The following MSH6 variants were observed in gnomAD, a reference collection of about 807,000 sequenced individuals.
MSH6 encodes the protein mutS homolog 6.
MSH6 carries 85 observed loss-of-function variants against 119.1 expected under a neutral mutation model. That is an observed-to-expected ratio of 0.71 (90% CI 0.60 to 0.85). The LOEUF (loss-of-function observed/expected upper bound fraction) is 0.85, where lower values mean the gene tolerates loss of function less well. Ranked by LOEUF, MSH6 falls within the 40% of genes least tolerant of loss-of-function variation. The probability of loss-of-function intolerance (pLI) is 0.00; values close to 1 mark genes in which losing one functional copy is unlikely to be tolerated. For missense variants in MSH6, 2,163 were observed against 1,655.3 expected (o/e 1.31, Z -5.32); for synonymous variants, 830 against 586.9 (o/e 1.41, Z -5.99).
intron 2 of MSH6, among the ~76,000 whole-genome samples, chr2:47,791,840 G>A (rs1198881811): frequency 1.3e-5 from 2 of 150,780 alleles, no homozygotes; most frequent in African/African-American, 4.9e-5. Flanking sequence ...ACGTTGCCTG[G>A]CTATATATAT....
At chr2:47,803,308 T>C (rs762508772) in intron 4 of MSH6, 112 bp from the exon 5 acceptor site, 28 of 1,410,342 alleles carry the variant, frequency 2.0e-5, no homozygotes, top group Non-Finnish European at 2.8e-5. Flanking sequence ...TGGACTGTAA[T>C]TGAAAGTTAT....
At chr2:47,790,133 T>G (rs1668638374) in intron 1 of MSH6, among the ~76,000 whole-genome samples, 1 of 152,218 alleles carries the variant, frequency 6.6e-6, no homozygotes, top group Non-Finnish European at 1.5e-5. Flanking sequence ...TTAAAAATAC[T>G]TTATTTGGCC....
chr2:47,798,526 G>T (rs2104284398), intron 3 of MSH6, 85 bp from the exon 4 acceptor site: 1 of 1,465,684 alleles, frequency 6.8e-7, no homozygotes. Context: ...CCATTATAAA[G>T]TCAAAAAATC....
At chr2:47,784,947 C>T (rs3136240) in intron 1 of MSH6, 19,223 of 152,024 alleles carry the variant, frequency 0.13, 1,537 homozygotes, top group Non-Finnish European at 0.18. Context: ...GCCTCAGCCT[C>T]CCAAGTAGCT....
chr2:47,798,944 T>G lies in MSH6; in HGVS notation c.961T>G (p.Ser321Ala). The G allele has an allele frequency of 6.2e-7, 1 of 1,614,192 alleles. No homozygotes were observed. Residue 321 changes from serine (S) to alanine (A), a missense_variant, in exon 4 of 10, where the codon TCA becomes GCA. Transcript: ENST00000234420. ...KRKSSRKETPSATKQATSISS... is the reference protein window; with the variant it reads ...KRKSSRKETPAATKQATSISS... ...GAAAAGCTCTAGGAAGGAAACGCCC[T>G]CAGCCACCAAACAAGCAACTAGCAT...
chr2:47,794,415 G>T (rs777605264), intron 2 of MSH6, among the ~76,000 whole-genome samples: 2 of 151,768 alleles, frequency 1.3e-5, no homozygotes, highest in African/African-American at 2.4e-5. Flanking sequence ...GAGACTACAG[G>T]TGTGCACCAC....
At chr2:47,789,521 A>G (rs1376171378) in intron 1 of MSH6, 1 of 428,334 alleles carries the variant, frequency 2.3e-6, no homozygotes, top group African/African-American at 2.1e-5. Flanking sequence ...CTTTTAAAGC[A>G]TGAGACCTCA....
intron 4 of MSH6, 186 bp downstream of exon 4, chr2:47,801,341 A>T: frequency 3.5e-6 from 1 of 282,490 alleles, no homozygotes. Context: ...TTATCTTAGT[A>T]GCCCTTTGGC....
At position 47,783,457 on chromosome 2, in the gene MSH6, G is replaced by A. The variant is rs1572698482; in HGVS notation, c.224G>A (p.Gly75Glu). Residue 75 changes from glycine to glutamate, a missense_variant, in exon 1 of 10, where the codon GGG becomes GAG. By Grantham distance (98) the Gly-to-Glu change is moderately conservative. Coordinates refer to ENST00000234420, the MANE Select transcript of MSH6 (RefSeq NM_000179.3). Reference protein sequence around the residue: ...SPPKAKNLNGGLRRSVAPAAP... With the variant: ...SPPKAKNLNGELRRSVAPAAP... ...CCCAAGGCGAAGAACCTCAACGGAGGGCTGCGGAGATCGGTAGCGCCTGCT... is the reference window on the plus strand; with the variant it reads ...CCCAAGGCGAAGAACCTCAACGGAGAGCTGCGGAGATCGGTAGCGCCTGCT... 2.0e-6 allele frequency: 3 copies of A among 1,467,274 alleles called. No homozygotes were observed. The highest frequency in any genetic ancestry group is 2.7e-6 in the Non-Finnish European group (3 of 1,110,344). 90.9% of individuals were successfully genotyped at this position (1,467,274 alleles called of 1,614,324 possible). A position where few individuals can be genotyped will look rare whatever the true frequency, so the allele number is the denominator to read the frequency against.
chr2:47,797,566 G>A (rs1010441091), intron 3 of MSH6, among the ~76,000 whole-genome samples: 4 of 152,088 alleles, frequency 2.6e-5, no homozygotes, highest in Admixed American at 1.3e-4. Context: ...TGAGCATATC[G>A]CCTCCTGATA....
intron 6 of MSH6, among the ~76,000 whole-genome samples, 185 bp downstream of exon 6, chr2:47,805,212 C>T (rs1669908579): frequency 6.6e-6 from 1 of 150,970 alleles, no homozygotes; most frequent in Admixed American, 6.6e-5. Context: ...TGGAGTTTCC[C>T]TCTTGTTGCC....
chr2:47,807,369 T>A, downstream of MSH6: 1 of 210,214 alleles, frequency 4.8e-6, no homozygotes, highest in Non-Finnish European at 9.7e-6. Context: ...CTAGGAAGTC[T>A]CATTAAAACA....
At position 47,801,043 on chromosome 2, in the gene MSH6, T is replaced by C. The variant is rs1553414441; in HGVS notation, c.3060T>C (p.Asn1020=). The part of the protein sequence containing the change: ...TIEKKLANLI[N]AEERRDVSLK... ...AAAAGAAGTTGGCTAATCTCATAAA[T>C]GCTGAAGAACGGAGGGATGTATCAT... Residue 1020 remains asparagine (N), a synonymous_variant, in exon 4 of 10, where the codon AAT becomes AAC. Transcript: ENST00000234420. 1 of 1,594,846 alleles carries C rather than the reference T, an allele frequency of 6.3e-7. No homozygotes were observed. The highest frequency in any genetic ancestry group is 8.5e-7 in the Non-Finnish European group (1 of 1,170,906).
At chr2:47,787,061 C>T (rs1021534364) in intron 1 of MSH6, among the ~76,000 whole-genome samples, 1 of 152,196 alleles carries the variant, frequency 6.6e-6, no homozygotes, top group African/African-American at 2.4e-5. Context: ...TGCAGTGGCT[C>T]ATGCCTGTAA....
chr2:47,806,684 A>ACTGACCTTAAGTTT (rs773720774), intron 9 of MSH6, 33 bp downstream of exon 9: 34 of 1,589,542 alleles, frequency 2.1e-5, no homozygotes, highest in African/African-American at 4.0e-5. Context: ...ATTATAACTA[A>ACTGACCTTAAGTTT]CTGACCTTAA....
In MSH6 at chr2:47,796,006, G is replaced by A. The variant is rs1669064182; in HGVS notation, c.570G>A (p.Arg190=). 1 of 1,614,136 alleles carries A rather than the reference G, an allele frequency of 6.2e-7. No individual in the cohort carries two copies. The highest frequency in any genetic ancestry group is 8.5e-7 in the Non-Finnish European group (1 of 1,180,030). The stretch of plus-strand genomic sequence containing the variant: ...CCTTAAATAAAGACAAGATTAAGAG[G>A]CTTGAATTGGCAGTTTGTGATGAGC... ...DEALNKDKIK[R]LELAVCDEPS... is the part of the protein sequence containing the mutation. The change falls in exon 3 of 10, where the codon AGG becomes AGA. Residue 190 remains arginine, a synonymous_variant. Transcript: ENST00000234420.
At position 47,800,300 on chromosome 2, in the gene MSH6, C is replaced by G. The variant is rs1064793871; in HGVS notation, c.2317C>G (p.Leu773Val). Residue 773 changes from leucine (L) to valine (V), a missense_variant, in exon 4 of 10, where the codon CTC (leucine) becomes GTC (valine). Leu to Val is a conservative substitution (Grantham distance 32). Coordinates refer to ENST00000234420, the MANE Select transcript of MSH6 (RefSeq NM_000179.3). ...DTCHTPFGKR[L>V]LKQWLCAPLC... ...TTGCCATACTCCTTTTGGTAAGCGG[C>G]TCCTAAAGCAATGGCTTTGTGCCCC... The G allele has an allele frequency of 6.2e-7, 1 of 1,613,988 alleles. No individual in the cohort carries two copies. Among genetic ancestry groups the G allele is most frequent in the Admixed American group, 1.7e-5 (1 of 59,996 alleles).
intron 2 of MSH6, among the ~76,000 whole-genome samples, chr2:47,794,495 C>T (rs1026026500): frequency 6.6e-6 from 1 of 151,936 alleles, no homozygotes; most frequent in African/African-American, 2.4e-5. Context: ...GATCTTTAAA[C>T]TCGTGACCTG....
At chr2:47,788,156 T>G (rs1668455680) in intron 1 of MSH6, among the ~76,000 whole-genome samples, 1 of 152,080 alleles carries the variant, frequency 6.6e-6, no homozygotes. Context: ...TCTTCAAGCT[T>G]TTTAGCATTG....
Sources: allele counts gnomAD v4.1 joint callset (sites outside exome capture counted in the v4.1 genomes callset), GRCh38; gene constraint gnomAD v4.1.1; transcripts MANE v1.5; gene names NCBI Gene and HGNC (gene_info 2026-07-23, HGNC 2026-07-21).